Variants in LARGE2 observed in about 807,000 individuals in gnomAD.
LARGE2 encodes xylosyl- and glucuronyltransferase LARGE2.
Under a neutral mutation model 75.3 loss-of-function variants are expected in LARGE2, and 63 were observed. The ratio of observed to expected loss-of-function variants is 0.84; its 90% CI spans 0.68 to 1.03. LARGE2 has a LOEUF of 1.03. Ranked by LOEUF, LARGE2 falls within the 50% of genes least tolerant of loss-of-function variation. The pLI is 0.00. For missense variants in LARGE2, 925 were observed against 980.6 expected, an observed-to-expected ratio of 0.94 and a Z score of 0.76; for synonymous variants, 428 against 420.1, an observed-to-expected ratio of 1.02 and a Z score of -0.23.
rs2086993134 is a variant in LARGE2 at position 45,923,185 on chromosome 11, T to C, written c.285+18T>C. The stretch of plus-strand genomic sequence containing the variant: ...AGTGCGAGGTAGGTGCGCGCGGCCC[T>C]GGCGGCGGGAGTCCTGGGGGCGCCG... On this transcript the variant is annotated intron_variant, in intron 2 of 13. Coordinates refer to ENST00000401752, the MANE Select transcript of LARGE2 (RefSeq NM_001300721.2). The C allele has an allele frequency of 1.5e-6, 2 of 1,326,030 alleles. No individual in the cohort carries two copies. The highest frequency in any genetic ancestry group is 1.5e-5 in the African/African-American group (1 of 64,768). The allele number at this position is 1,326,030 out of a possible 1,614,324, so 82.1% of individuals were successfully genotyped here.
At chr11:45,924,318 A>C (rs764176592) in intron 4 of LARGE2, 41 bp downstream of exon 4, 55 of 1,601,950 alleles carry the variant, frequency 3.4e-5, no homozygotes, top group Non-Finnish European at 4.6e-5. Flanking sequence ...AGCTGTGTCC[A>C]CCGCTCTCCT....
rs78715201 is a variant in LARGE2 at position 45,928,476 on chromosome 11, A to G, written c.1950+104A>G. The stretch of plus-strand genomic sequence containing the variant: ...GACCACACCACTAGGCAACACTGTT[A>G]GAAATGTCCCCCTTCTGTGGAATTA... On this transcript the variant is annotated intron_variant, in intron 13 of 13. Transcript: ENST00000401752. 1.2e-3 allele frequency: 1,830 copies of G among 1,530,912 alleles called. 17 individuals are homozygous for G. The African/African-American group carries it at 0.023, about 19-fold the overall frequency. 94.8% of individuals were successfully genotyped at this position (1,530,912 alleles called of 1,614,324 possible). A position where few individuals can be genotyped will look rare whatever the true frequency, so the allele number is the denominator to read the frequency against.
chr11:45,926,320 C>T lies in LARGE2; in HGVS notation c.981C>T (p.Arg327=), dbSNP rs1370732610. ...VQLSDHTLAE[R]CYSEASDLKV... is the part of the protein sequence containing the mutation. ...TGTCAGATCACACACTGGCCGAGCG[C>T]TGCTACTCTGAGGCGTCTGACCTCA... Residue 327 remains arginine, a synonymous_variant, in exon 8 of 14, where the codon CGC becomes CGT. Coordinates refer to ENST00000401752, the MANE Select transcript of LARGE2 (RefSeq NM_001300721.2). 4.3e-6 allele frequency: 7 copies of T among 1,614,074 alleles called. No homozygotes were observed. The African/African-American group carries it at 5.3e-5, about 12-fold the overall frequency.
chr11:45,927,573 T>G lies in LARGE2; in HGVS notation c.1584T>G (p.Tyr528Ter), dbSNP rs1565096797. The change falls in exon 11 of 14, where the codon TAT becomes TAG. Residue 528 changes from tyrosine (Y) to a stop codon, truncating the protein, a stop_gained. Coordinates refer to ENST00000401752, the MANE Select transcript of LARGE2 (RefSeq NM_001300721.2). LOFTEE classifies it high-confidence loss of function. Reference sequence around the variant, plus strand: ...GTGACATTGACTTCCTGCCTGCCTATTCTCTCTACGACTACCTCAGGTGGG... The same window carrying G: ...GTGACATTGACTTCCTGCCTGCCTAGTCTCTCTACGACTACCTCAGGTGGG... The part of the protein sequence containing the change: ...FLSDIDFLPA[Y>*]SLYDYLRASI... 6.2e-7 allele frequency: 1 copy of G among 1,613,800 alleles called. No homozygotes were observed. The highest frequency in any genetic ancestry group is 1.7e-5 in the Admixed American group (1 of 60,020).
Position 45,924,851 on chromosome 11 carries a change from A to G in LARGE2, c.731A>G (p.His244Arg), listed in dbSNP as rs1355450216. The G allele has an allele frequency of 6.6e-7, 1 of 1,507,228 alleles. No individual in the cohort carries two copies. The highest frequency in any genetic ancestry group is 2.3e-5 in the Admixed American group (1 of 44,180). 93.4% of individuals were successfully genotyped at this position (1,507,228 alleles called of 1,614,324 possible). The change falls in exon 6 of 14, where the codon CAC becomes CGC. Residue 244 changes from histidine (H) to arginine (R), a missense_variant. Physicochemically the swap from His to Arg is conservative, Grantham distance 29. Around this residue, in one of 3 missense-constraint regions of LARGE2, gnomAD observed 453 missense variants for 460.2 expected, o/e 0.98. Coordinates refer to ENST00000401752, the MANE Select transcript of LARGE2 (RefSeq NM_001300721.2). ...TACCTGGGCAACCTCTGGAAGAACC[A>G]CAGGCCCTGGCCTGCCTTGGGCCGG... is the stretch of plus-strand genomic sequence containing the variant. ...DWYLGNLWKN[H>R]RPWPALGRGF...
rs775882915 is a variant in LARGE2 at position 45,927,954 on chromosome 11, C to T, written c.1639C>T (p.Arg547Cys). ...TGAGCAGCTGGGGCTGGGCAGCCGG[C>T]GCAAGGCAGCACTGGTGGTGCCGGC... ...SIEQLGLGSR[R>C]KAALVVPAFE... Residue 547 changes from arginine to cysteine, a missense_variant, in exon 12 of 14, where the codon CGC (arginine) becomes TGC (cysteine). Physicochemically the swap from Arg to Cys is radical, Grantham distance 180 (BLOSUM62 -3). Transcript: ENST00000401752. 10 of 1,613,464 alleles carry T rather than the reference C, an allele frequency of 6.2e-6. No individual in the cohort carries two copies. Among genetic ancestry groups the T allele is most frequent in the African/African-American group, 4.0e-5 (3 of 74,906 alleles).
At chr11:45,923,409 A>G in intron 2 of LARGE2, 64 bp from the exon 3 acceptor site, 1 of 1,522,644 alleles carries the variant, frequency 6.6e-7, no homozygotes, top group Non-Finnish European at 9.0e-7. Flanking sequence ...GGGGCAGCTC[A>G]ACATGGGTCC....
intron 6 of LARGE2, among the ~76,000 whole-genome samples, chr11:45,925,382 G>T (rs905277857): frequency 6.6e-6 from 1 of 152,122 alleles, no homozygotes. Context: ...TTGACCAGTC[G>T]CAGTGGCTCA....
At chr11:45,924,096 G>A in intron 3 of LARGE2, 58 bp from the exon 4 acceptor site, 8 of 1,593,700 alleles carry the variant, frequency 5.0e-6, no homozygotes, top group Non-Finnish European at 6.8e-6. Context: ...CGGGGTGGGG[G>A]CTGTCCCATG....
Position 45,924,529 on chromosome 11 carries a change from C to A in LARGE2, c.516C>A (p.Asn172Lys), listed in dbSNP as rs374032175. ...QLKPQVSWIP[N>K]KHYSGLYGLM... ...AGCCCCAGGTCTCCTGGATCCCCAA[C>A]AAGCACTACTCCGGCCTCTATGGGC... is the stretch of plus-strand genomic sequence containing the variant. Residue 172 changes from asparagine to lysine, a missense_variant, in exon 5 of 14, where the codon AAC becomes AAA. Around this residue, in one of 3 missense-constraint regions of LARGE2, gnomAD observed 453 missense variants for 460.2 expected, o/e 0.98. Coordinates refer to ENST00000401752, the MANE Select transcript of LARGE2 (RefSeq NM_001300721.2). 1 of 1,613,326 alleles carries A rather than the reference C, an allele frequency of 6.2e-7. No homozygotes were observed. Among genetic ancestry groups the A allele is most frequent in the Admixed American group, 1.7e-5 (1 of 59,998 alleles).
In LARGE2 at chr11:45,924,861, G is replaced by T; in HGVS notation, c.741G>T (p.Trp247Cys). ...ACCTCTGGAAGAACCACAGGCCCTG[G>T]CCTGCCTTGGGCCGGGGATTTAACA... ...LGNLWKNHRP[W>C]PALGRGFNTG... Residue 247 changes from tryptophan to cysteine, a missense_variant, in exon 6 of 14, where the codon TGG becomes TGT. Trp to Cys is a radical substitution (Grantham distance 215, BLOSUM62 -2). This residue lies in a region of LARGE2 where 453 missense variants were observed against 460.2 expected (regional missense o/e 0.98). Transcript: ENST00000401752. 1 of 1,496,396 alleles carries T rather than the reference G, an allele frequency of 6.7e-7. No individual in the cohort carries two copies. The highest frequency in any genetic ancestry group is 2.4e-5 in the Admixed American group (1 of 42,136). 92.7% of individuals were successfully genotyped at this position (1,496,396 alleles called of 1,614,324 possible).
In LARGE2 at chr11:45,922,684, C is replaced by T. The variant is rs1017900738; in HGVS notation, c.-107C>T. ...TCTCCCCTGGTTCCCGCACCCTGGC[C>T]GGCGGCTGCGAGCGCAGGGCCCAGC... On this transcript the variant is annotated 5_prime_UTR_variant, in exon 1 of 14. Transcript: ENST00000401752. 4.0e-5 allele frequency: 15 copies of T among 372,658 alleles called. No individual in the cohort carries two copies. The highest frequency in any genetic ancestry group is 5.1e-5 in the Non-Finnish European group (11 of 214,914). 23.1% of individuals were successfully genotyped at this position (372,658 alleles called of 1,614,324 possible).
At chr11:45,927,732 C>G (rs1379747203) in intron 11 of LARGE2, 139 bp downstream of exon 11, 1 of 1,440,296 alleles carries the variant, frequency 6.9e-7, no homozygotes, top group Admixed American at 1.8e-5. Context: ...TAGGCTGTTT[C>G]TCTGGGCTGT....
chr11:45,928,511 G>A, intron 13 of LARGE2, 119 bp from the exon 14 acceptor site: 1 of 1,526,434 alleles, frequency 6.6e-7, no homozygotes, highest in Non-Finnish European at 8.8e-7. Context: ...AAAATAATCT[G>A]CCCTTTGGCC....
At chr11:45,923,617 C>T (rs2087015293) in intron 3 of LARGE2, 62 bp downstream of exon 3, 7 of 1,433,548 alleles carry the variant, frequency 4.9e-6, no homozygotes, top group Non-Finnish European at 6.9e-6. Flanking sequence ...CCGGGACAGG[C>T]TGCTGGTCTC....
At position 45,928,179 on chromosome 11, in the gene LARGE2, A is replaced by C; in HGVS notation, c.1757A>C (p.Tyr586Ser). The C allele has an allele frequency of 6.2e-7, 1 of 1,613,520 alleles. No homozygotes were observed. Among genetic ancestry groups the C allele is most frequent in the African/African-American group, 1.3e-5 (1 of 75,076 alleles). Residue 586 changes from tyrosine (Y) to serine (S), a missense_variant and splice_region_variant, in exon 13 of 14, where the codon TAC becomes TCC. By Grantham distance (144) the Tyr-to-Ser change is moderately radical. Around this residue, in one of 3 missense-constraint regions of LARGE2, gnomAD observed 469 missense variants for 503.8 expected, o/e 0.93. Transcript: ENST00000401752. ...LDAGTLYTFR[Y>S]HEWPRGHAPT... is the part of the protein sequence containing the mutation. ...TCCCACCCGACCCTGCTGCACAGGT[A>C]CCACGAGTGGCCCCGAGGCCACGCA... is the stretch of plus-strand genomic sequence containing the variant.
At chr11:45,928,131 C>T (rs373234704) in intron 12 of LARGE2, 46 bp from the exon 13 acceptor site, 33 of 1,612,902 alleles carry the variant, frequency 2.0e-5, no homozygotes, top group African/African-American at 4.0e-5. Context: ...CCACTACCCA[C>T]GAGCTCCTAG....
intron 12 of LARGE2, 31 bp downstream of exon 12, chr11:45,928,100 C>T (rs754784843): frequency 1.2e-6 from 2 of 1,612,840 alleles, no homozygotes; most frequent in Admixed American, 3.3e-5. Flanking sequence ...GCCCACTCCA[C>T]TCACTTGCCC....
rs762063159 is a variant in LARGE2, at chr11:45,924,646, G to A, written c.633G>A (p.Ser211=). Residue 211 remains serine (S), a synonymous_variant, in exon 5 of 14, where the codon TCG becomes TCA. Coordinates refer to ENST00000401752, the MANE Select transcript of LARGE2 (RefSeq NM_001300721.2). ...ATGTCACCTTCGCCTCTGACATCTCGGAGCTCTGGGCCCTCTTTGCTCACT... is the reference window on the plus strand; with the variant it reads ...ATGTCACCTTCGCCTCTGACATCTCAGAGCTCTGGGCCCTCTTTGCTCACT... ...DTDVTFASDI[S]ELWALFAHFS... The A allele has an allele frequency of 5.0e-6, 8 of 1,613,620 alleles. No homozygotes were observed. The Admixed American group carries it at 1.2e-4, about 24-fold the overall frequency.
Sources: allele counts gnomAD v4.1 joint callset (sites outside exome capture counted in the v4.1 genomes callset), GRCh38; gene constraint gnomAD v4.1.1; regional missense constraint gnomAD v4.1.1; transcripts MANE v1.5; gene names NCBI Gene and HGNC (gene_info 2026-07-23, HGNC 2026-07-21).